The following SMIM35 variants were observed in gnomAD, a reference collection of about 807,000 sequenced individuals.
The protein encoded by SMIM35 is small integral membrane protein 35.
chr11:118,069,635 T>G (rs938568978), intron 1 of SMIM35, among the ~76,000 whole-genome samples: 1 of 152,176 alleles, frequency 6.6e-6, no homozygotes, highest in Non-Finnish European at 1.5e-5. Flanking sequence ...CCCAAAAGCA[T>G]GTGTCGGAAA....
At chr11:118,010,595 C>A (rs192351553) in intron 4 of SMIM35, among the ~76,000 whole-genome samples, 1 of 152,208 alleles carries the variant, frequency 6.6e-6, no homozygotes, top group South Asian at 2.1e-4. Flanking sequence ...AATGTGGCCA[C>A]CTGCAATTCA....
At chr11:118,048,755 C>G (rs1223837114) in intron 1 of SMIM35, among the ~76,000 whole-genome samples, 1 of 151,236 alleles carries the variant, frequency 6.6e-6, no homozygotes, top group Non-Finnish European at 1.5e-5. Context: ...AAACACGGCC[C>G]TAGATTAAAC....
At chr11:118,027,297 G>A (rs1487152131) in intron 1 of SMIM35, among the ~76,000 whole-genome samples, 1 of 150,844 alleles carries the variant, frequency 6.6e-6, no homozygotes, top group Non-Finnish European at 1.5e-5. Flanking sequence ...AAAGTGCTGG[G>A]ATTACAGGCG....
intron 1 of SMIM35, among the ~76,000 whole-genome samples, chr11:118,078,053 G>GAAAAC (rs1944825529): frequency 6.1e-5 from 1 of 16,382 alleles, no homozygotes; most frequent in African/African-American, 2.0e-4. Flanking sequence ...AAGAAAGAAG[G>GAAAAC]AAAAGAAAAC....
At chr11:118,026,632 C>A (rs1410635495) in intron 1 of SMIM35, among the ~76,000 whole-genome samples, 1 of 152,044 alleles carries the variant, frequency 6.6e-6, no homozygotes, top group African/African-American at 2.4e-5. Flanking sequence ...TAGGATTTTA[C>A]AGAGGGAAAT....
intron 1 of SMIM35, among the ~76,000 whole-genome samples, chr11:118,054,860 G>T (rs1393628053): frequency 6.7e-6 from 1 of 148,450 alleles, no homozygotes; most frequent in Non-Finnish European, 1.5e-5. Flanking sequence ...CTGGAGTGCA[G>T]TGGCCCGATC....
Position 118,068,321 on chromosome 11 carries a change from C to G in SMIM35, c.7+18430G>C, listed in dbSNP as rs529400891. On this transcript the variant is annotated intron_variant, in intron 1 of 4. Transcript: ENST00000689828. ...CGTAAGCTCAATCCAAATGCTCCCT[C>G]CTCGGGGAGGGAGCCCTCCGGCTCT... Among the ~76,000 whole-genome samples, 16 of 152,196 alleles carry G rather than the reference C, an allele frequency of 1.1e-4. No homozygotes were observed. In the South Asian group the frequency reaches 3.3e-3, roughly 32 times the overall value.
Position 118,005,070 on chromosome 11 carries a change from GGTC to G in SMIM35, c.*1337_*1339del, listed in dbSNP as rs1214978895. On this transcript the variant is annotated 3_prime_UTR_variant, in exon 5 of 5. Coordinates refer to ENST00000689828, the MANE Select transcript of SMIM35 (RefSeq NM_001394165.1). ...AACATTCTTCAGAATCCTACTATCTGGTCACCCCAGCCCTGGAAGTGACCCTTG... is the reference window on the plus strand; with the variant it reads ...AACATTCTTCAGAATCCTACTATCTGACCCCAGCCCTGGAAGTGACCCTTG... 1 of 152,078 alleles carries G rather than the reference GGTC, an allele frequency of 6.6e-6. No homozygotes were observed. Among genetic ancestry groups the G allele is most frequent in the Non-Finnish European group, 1.5e-5 (1 of 68,046 alleles). 9.4% of individuals were successfully genotyped at this position (152,078 alleles called of 1,614,324 possible).
chr11:118,063,388 T>A (rs1327266491), intron 1 of SMIM35, among the ~76,000 whole-genome samples: 1 of 152,232 alleles, frequency 6.6e-6, no homozygotes. Context: ...GTTTACTGTC[T>A]CTCTCGTCTG....
At chr11:118,021,004 G>T (rs2058224208) in intron 1 of SMIM35, among the ~76,000 whole-genome samples, 1 of 147,324 alleles carries the variant, frequency 6.8e-6, no homozygotes, top group Non-Finnish European at 1.5e-5. Flanking sequence ...AACCCTTGAG[G>T]TATTTGGCAG....
At chr11:118,063,590 AGGTAGATCAGG>A (rs1415446575) in intron 1 of SMIM35, among the ~76,000 whole-genome samples, 1 of 152,184 alleles carries the variant, frequency 6.6e-6, no homozygotes, top group African/African-American at 2.4e-5. Context: ...AGGTGGCTTC[AGGTAGATCAGG>A]GGCTGATCAC....
intron 4 of SMIM35, 167 bp downstream of exon 4, chr11:118,013,581 G>A (rs2058160958): frequency 7.9e-6 from 3 of 380,264 alleles, no homozygotes; most frequent in Non-Finnish European, 1.4e-5. Context: ...AAGCGGGTGG[G>A]GGAAAACATG....
At chr11:118,048,589 G>GCAA (rs1263821369) in intron 1 of SMIM35, among the ~76,000 whole-genome samples, 2 of 124,518 alleles carry the variant, frequency 1.6e-5, no homozygotes, top group Admixed American at 8.3e-5. Flanking sequence ...AAGGAAGGAA[G>GCAA]GAAGGAAGCA....
intron 1 of SMIM35, among the ~76,000 whole-genome samples, chr11:118,038,774 G>T (rs190076819): frequency 6.6e-6 from 1 of 151,358 alleles, no homozygotes; most frequent in Admixed American, 6.6e-5. Flanking sequence ...ATTTAAGCAA[G>T]ACCTGAAAGA....
At chr11:118,066,060 C>T (rs1177077240) in intron 1 of SMIM35, among the ~76,000 whole-genome samples, 1 of 151,240 alleles carries the variant, frequency 6.6e-6, no homozygotes, top group Non-Finnish European at 1.5e-5. Context: ...CCCAAACCAG[C>T]CACAGGACCC....
At chr11:118,022,715 G>A (rs1027143122) in intron 1 of SMIM35, among the ~76,000 whole-genome samples, 10 of 152,126 alleles carry the variant, frequency 6.6e-5, no homozygotes, top group African/African-American at 1.2e-4. Flanking sequence ...ATGAGTGCCT[G>A]TGTATAAAGG....
At chr11:118,044,807 A>C (rs1308334054) in intron 1 of SMIM35, among the ~76,000 whole-genome samples, 9 of 151,032 alleles carry the variant, frequency 6.0e-5, no homozygotes, top group Non-Finnish European at 1.2e-4. Flanking sequence ...CTACTAAAAA[A>C]AAAACAAAAC....
At chr11:118,021,187 A>C (rs2058228127) in intron 1 of SMIM35, among the ~76,000 whole-genome samples, 1 of 152,144 alleles carries the variant, frequency 6.6e-6, no homozygotes, top group South Asian at 2.1e-4. Flanking sequence ...AGCTTTTAGA[A>C]GCTTACTCTG....
At chr11:118,071,937 A>G (rs954064488) in intron 1 of SMIM35, among the ~76,000 whole-genome samples, 4 of 152,192 alleles carry the variant, frequency 2.6e-5, no homozygotes, top group Admixed American at 1.3e-4. Flanking sequence ...GTCCATGGGC[A>G]CACATACCTT....
Sources: gnomAD v4.1 joint callset for allele counts (sites outside exome capture counted in the v4.1 genomes callset) on GRCh38, gnomAD v4.1.1 for gene constraint, MANE v1.5 for transcripts, NCBI Gene and HGNC (gene_info 2026-07-23, HGNC 2026-07-21) for gene names.